The following GJA9 variants were observed in gnomAD, a reference collection of about 807,000 sequenced individuals.
GJA9 encodes gap junction alpha-9 protein.
In GJA9, 1 loss-of-function variant was observed where a neutral mutation model predicts 0.4. The observed-to-expected ratio is 2.50, with a 90% CI of 0.89 to 11.88. The LOEUF (loss-of-function observed/expected upper bound fraction) is 11.88. GJA9 is among the 30% of genes most tolerant of loss of function. The pLI is 0.12. For synonymous variants in GJA9, 190 were observed against 219.1 expected, an observed-to-expected ratio of 0.87 and a Z score of 1.17; for missense variants, 550 against 602.8, an observed-to-expected ratio of 0.91 and a Z score of 0.92.
intron 1 of GJA9, 42 bp from the exon 2 acceptor site, chr1:38,876,235 T>G (rs1285415361): frequency 2.8e-6 from 2 of 710,804 alleles, no homozygotes; most frequent in African/African-American, 3.6e-5. Flanking sequence ...TATATGCTGG[T>G]TGCTTTACTT....
chr1:38,880,798 G>T (rs1189589579), intron 1 of GJA9, among the ~76,000 whole-genome samples: 1 of 151,852 alleles, frequency 6.6e-6, no homozygotes, highest in East Asian at 1.9e-4. Flanking sequence ...TAAAAAAAAA[G>T]TAAGCAAGTT....
rs1200439522 is a variant in GJA9 at position 38,875,988 on chromosome 1, C to G, written c.111G>C (p.Leu37=). 1 of 1,614,188 alleles carries G rather than the reference C, an allele frequency of 6.2e-7. No individual in the cohort carries two copies. Among genetic ancestry groups the G allele is most frequent in the South Asian group, 1.1e-5 (1 of 91,084 alleles). Residue 37 remains leucine (L), a synonymous_variant, in exon 2 of 2, where the codon CTG becomes CTC. Transcript: ENST00000357771. ...TCCAGACATCTTCAGCTGCTACACC[C>G]AGAACAAGCATTCGAAATATGAACA... is the stretch of plus-strand genomic sequence containing the variant. The part of the protein sequence containing the change: ...TILFIFRMLV[L]GVAAEDVWND...
At chr1:38,878,086 T>G (rs556385306) in intron 1 of GJA9, among the ~76,000 whole-genome samples, 2 of 127,510 alleles carry the variant, frequency 1.6e-5, no homozygotes, top group East Asian at 4.4e-4. Flanking sequence ...TTTCTTTTTT[T>G]TTGGTGGGGG....
chr1:38,878,312 T>G (rs992379950), intron 1 of GJA9, among the ~76,000 whole-genome samples: 18 of 149,658 alleles, frequency 1.2e-4, no homozygotes, highest in Admixed American at 1.1e-3. Flanking sequence ...CTCCTGAACC[T>G]TGAGTGATCC....
In GJA9 at chr1:38,881,549, T is replaced by C; in HGVS notation, c.-213A>G. 1.4e-6 allele frequency: 1 copy of C among 690,980 alleles called. No homozygotes were observed. Among genetic ancestry groups the C allele is most frequent in the Non-Finnish European group, 2.6e-6 (1 of 379,536 alleles). The allele number at this position is 690,980 out of a possible 1,614,324, so 42.8% of individuals were successfully genotyped here. A position where few individuals can be genotyped will look rare whatever the true frequency, so the allele number is the denominator to read the frequency against. ...TGGTATAGAGCAGATTCAGTTCAGT[T>C]GAATGTAGTGAGTGAGTCATCCATC... On this transcript the variant is annotated 5_prime_UTR_variant, in exon 1 of 2. Transcript: ENST00000357771.
rs1216178219 is a variant in GJA9, at chr1:38,874,819, C to T, written c.1280G>A (p.Gly427Asp). The stretch of plus-strand genomic sequence containing the variant: ...CCGGTTTTCATGTTCTGTAGAGGAA[C>T]CCCATGTAGCTCTAAGCCACCGCGG... The part of the protein sequence containing the change: ...WKPRWLRATW[G>D]SSTEHENRGS... Residue 427 changes from glycine to aspartate, a missense_variant, in exon 2 of 2, where the codon GGT becomes GAT. Physicochemically the swap from Gly to Asp is moderately conservative, Grantham distance 94. Transcript: ENST00000357771. 19 of 1,614,028 alleles carry T rather than the reference C, an allele frequency of 1.2e-5. No homozygotes were observed. Among genetic ancestry groups the T allele is most frequent in the Non-Finnish European group, 1.5e-5 (18 of 1,180,040 alleles).
intron 1 of GJA9, among the ~76,000 whole-genome samples, chr1:38,877,572 T>C (rs1342221545): frequency 1.3e-5 from 2 of 150,190 alleles, no homozygotes; most frequent in Non-Finnish European, 3.0e-5. Context: ...TCTCGGCGCA[T>C]TGCAACCTCC....
chr1:38,874,987 C>CT lies in GJA9; in HGVS notation c.1111dup (p.Arg371LysfsTer4), dbSNP rs760967392. 5.0e-6 allele frequency: 8 copies of CT among 1,614,164 alleles called. No homozygotes were observed. The Admixed American group carries it at 1.2e-4, about 24-fold the overall frequency. The stretch of plus-strand genomic sequence containing the variant: ...TTTGCTGTCTTTGCCTTCAGTTTCT[C>CT]TTTTTTCCATTAACTGGTTACCATT... On this transcript the variant is annotated frameshift_variant, in exon 2 of 2. Transcript: ENST00000357771. LOFTEE classifies it low-confidence loss of function (END_TRUNC).
In GJA9 at chr1:38,875,126, G is replaced by A. The variant is rs923492625; in HGVS notation, c.973C>T (p.Gln325Ter). 6 of 1,614,128 alleles carry A rather than the reference G, an allele frequency of 3.7e-6. No individual in the cohort carries two copies. Among genetic ancestry groups the A allele is most frequent in the Admixed American group, 1.7e-5 (1 of 60,018 alleles). ...VNDEKCILDE[Q>*]ETVLSNEIST... The stretch of plus-strand genomic sequence containing the variant: ...ATCTCATTAGAAAGTACAGTTTCCT[G>A]TTCATCCAAAATGCATTTCTCATCA... Residue 325 changes from glutamine (Q) to a stop codon, truncating the protein, a stop_gained, in exon 2 of 2, where the codon CAG (glutamine) becomes TAG (stop). Transcript: ENST00000357771. LOFTEE classifies it low-confidence loss of function (END_TRUNC).
intron 1 of GJA9, 46 bp downstream of exon 1, chr1:38,881,386 A>C: frequency 1.4e-6 from 1 of 699,362 alleles, no homozygotes; most frequent in South Asian, 1.5e-5. Context: ...AAAACATTTC[A>C]AACAACTCTT....
rs1206437902 is a variant in GJA9 at position 38,880,422 on chromosome 1, T to TAAAAAAAAAAA, written c.-96+1009_-96+1010insTTTTTTTTTTT. Among the ~76,000 whole-genome samples the TAAAAAAAAAAA allele has an allele frequency of 5.2e-4, 19 of 36,398 alleles. 2 individuals carry two copies. Among genetic ancestry groups the TAAAAAAAAAAA allele is most frequent in the Non-Finnish European group, 1.0e-3 (16 of 15,636 alleles). The allele number at this position is 36,398 out of a possible 152,430, so 23.9% of individuals were successfully genotyped here. A position where few individuals can be genotyped will look rare whatever the true frequency, so the allele number is the denominator to read the frequency against. ...TGTCTCAAAAAAAAATAAATAATAA[T>TAAAAAAAAAAA]AATAATAATAATAATAATAATAATA... On this transcript the variant is annotated intron_variant, in intron 1 of 1. Coordinates refer to ENST00000357771, the MANE Select transcript of GJA9 (RefSeq NM_030772.5).
chr1:38,880,346 T>C (rs1436712119), intron 1 of GJA9, among the ~76,000 whole-genome samples: 8 of 141,716 alleles, frequency 5.6e-5, no homozygotes, highest in Admixed American at 1.5e-4. Flanking sequence ...GAGGTTGCAG[T>C]GAGCCGAGAT....
Position 38,874,496 on chromosome 1 carries a change from G to T in GJA9, c.*55C>A. 2.9e-6 allele frequency: 4 copies of T among 1,386,540 alleles called. No individual in the cohort carries two copies. In the South Asian group the frequency reaches 5.2e-5, roughly 18 times the overall value. 85.9% of individuals were successfully genotyped at this position (1,386,540 alleles called of 1,614,324 possible). A position where few individuals can be genotyped will look rare whatever the true frequency, so the allele number is the denominator to read the frequency against. On this transcript the variant is annotated 3_prime_UTR_variant, in exon 2 of 2. Coordinates refer to ENST00000357771, the MANE Select transcript of GJA9 (RefSeq NM_030772.5). ...CCTATCTATTTTTTCTGTGCCCCACGACCACTAGGCTACTTCTCTGATAAT... is the reference window on the plus strand; with the variant it reads ...CCTATCTATTTTTTCTGTGCCCCACTACCACTAGGCTACTTCTCTGATAAT...
At chr1:38,880,628 A>G (rs113480466) in intron 1 of GJA9, among the ~76,000 whole-genome samples, 5 of 151,426 alleles carry the variant, frequency 3.3e-5, no homozygotes, top group African/African-American at 1.2e-4. Flanking sequence ...CTAAAAATAC[A>G]AAAATTAGCC....
At position 38,875,309 on chromosome 1, in the gene GJA9, C is replaced by G; in HGVS notation, c.790G>C (p.Val264Leu). ...EFHANKAKQNVAKYQSTSANS... is the reference protein window; with the variant it reads ...EFHANKAKQNLAKYQSTSANS... ...GCAGATGTGCTCTGGTATTTGGCTA[C>G]ATTTTGTTTTGCCTTGTTTGCATGG... The change falls in exon 2 of 2, where the codon GTA becomes CTA. Residue 264 changes from valine to leucine, a missense_variant. Physicochemically the swap from Val to Leu is conservative, Grantham distance 32 (BLOSUM62 1). Coordinates refer to ENST00000357771, the MANE Select transcript of GJA9 (RefSeq NM_030772.5). The G allele has an allele frequency of 6.2e-7, 1 of 1,614,136 alleles. No individual in the cohort carries two copies. The highest frequency in any genetic ancestry group is 8.5e-7 in the Non-Finnish European group (1 of 1,180,012).
In GJA9 at chr1:38,881,398, C is replaced by A. The variant is rs762093341; in HGVS notation, c.-96+34G>T. On this transcript the variant is annotated intron_variant, in intron 1 of 1. Coordinates refer to ENST00000357771, the MANE Select transcript of GJA9 (RefSeq NM_030772.5). ...ATAAAAACATTTCAAACAACTCTTT[C>A]TTAATAAGCTAAAACAGAGAGATTA... is the stretch of plus-strand genomic sequence containing the variant. 151 of 700,100 alleles carry A rather than the reference C, an allele frequency of 2.2e-4. 2 individuals are homozygous for A. Among genetic ancestry groups the A allele is most frequent in the Admixed American group, 1.4e-4 (7 of 49,574 alleles). The allele number at this position is 700,100 out of a possible 1,614,324, so 43.4% of individuals were successfully genotyped here. A position where few individuals can be genotyped will look rare whatever the true frequency, so the allele number is the denominator to read the frequency against.
chr1:38,877,792 C>T (rs1363256775), intron 1 of GJA9, among the ~76,000 whole-genome samples: 2 of 152,008 alleles, frequency 1.3e-5, no homozygotes, highest in East Asian at 1.9e-4. Context: ...CCACCGTGCC[C>T]GGTCAAAAAG....
At position 38,874,828 on chromosome 1, in the gene GJA9, G is replaced by T. The variant is rs772837651; in HGVS notation, c.1271C>A (p.Ala424Asp). 2.7e-5 allele frequency: 44 copies of T among 1,614,070 alleles called. No individual in the cohort carries two copies. The highest frequency in any genetic ancestry group is 3.6e-5 in the Non-Finnish European group (43 of 1,180,046). ...NCDWKPRWLR[A>D]TWGSSTEHEN... ...ATGTTCTGTAGAGGAACCCCATGTA[G>T]CTCTAAGCCACCGCGGTTTCCAATC... The change falls in exon 2 of 2, where the codon GCT (alanine) becomes GAT (aspartate). Residue 424 changes from alanine (A) to aspartate (D), a missense_variant. By Grantham distance (126) the Ala-to-Asp change is moderately radical. Transcript: ENST00000357771.
Position 38,874,905 on chromosome 1 carries a change from C to T in GJA9, c.1194G>A (p.Glu398=). 2 of 1,614,194 alleles carry T rather than the reference C, an allele frequency of 1.2e-6. No individual in the cohort carries two copies. The highest frequency in any genetic ancestry group is 1.7e-6 in the Non-Finnish European group (2 of 1,180,030). Residue 398 remains glutamate, a synonymous_variant, in exon 2 of 2, where the codon GAG becomes GAA. Transcript: ENST00000357771. ...TTTGGGGTGACTGCCTCATGTTGTT[C>T]TCTCCATCTATAGCAACACCTGGAA... The part of the protein sequence containing the change: ...RSIPGVAIDG[E]NNMRQSPQTV...
Sources: gnomAD v4.1 joint callset for allele counts (sites outside exome capture counted in the v4.1 genomes callset) on GRCh38, gnomAD v4.1.1 for gene constraint, MANE v1.5 for transcripts, NCBI Gene and HGNC (gene_info 2026-07-23, HGNC 2026-07-21) for gene names.